Variants in KSR2 observed in about 807,000 individuals in gnomAD.
The protein encoded by KSR2 is kinase suppressor of ras 2.
A neutral mutation model predicts 107.8 loss-of-function variants in KSR2; 25 were observed. That is an observed-to-expected ratio of 0.23 (90% CI 0.17 to 0.32). The LOEUF (loss-of-function observed/expected upper bound fraction) is 0.32. Among genes scored for constraint, KSR2 ranks in the 10% least tolerant of loss-of-function variants. The pLI, the probability that KSR2 is intolerant of heterozygous loss-of-function variation, is 1.00. For missense variants in KSR2, 887 were observed against 1,268.9 expected, an observed-to-expected ratio of 0.70 and a Z score of 4.57; for synonymous variants, 480 against 507.0, an observed-to-expected ratio of 0.95 and a Z score of 0.71.
intron 1 of KSR2, among the ~76,000 whole-genome samples, chr12:117,890,222 A>G (rs1190247498): frequency 6.6e-6 from 1 of 152,194 alleles, no homozygotes; most frequent in Admixed American, 6.5e-5. Context: ...TTTGAGATCT[A>G]AGGCTCTGAA....
intron 14 of KSR2, chr12:117,517,694 C>T: frequency 2.6e-6 from 1 of 383,424 alleles, no homozygotes; most frequent in Admixed American, 3.5e-5. Flanking sequence ...TAAAGGCAGC[C>T]ACAGACAAAA....
chr12:117,944,754 A>C (rs1207639021), intron 1 of KSR2, among the ~76,000 whole-genome samples: 1 of 151,994 alleles, frequency 6.6e-6, no homozygotes, highest in African/African-American at 2.4e-5. Flanking sequence ...GCTACTCAGA[A>C]GGCTGAAATG....
At chr12:117,521,469 G>A (rs540644666) in intron 14 of KSR2, among the ~76,000 whole-genome samples, 2 of 152,256 alleles carry the variant, frequency 1.3e-5, no homozygotes, top group African/African-American at 4.8e-5. Context: ...GAGTGATTGC[G>A]CAGACCGTCG....
At chr12:117,957,541 C>G (rs1381078544) in intron 1 of KSR2, among the ~76,000 whole-genome samples, 1 of 152,118 alleles carries the variant, frequency 6.6e-6, no homozygotes, top group Non-Finnish European at 1.5e-5. Flanking sequence ...GAAGGAAGGC[C>G]AGGCCCTATC....
intron 3 of KSR2, among the ~76,000 whole-genome samples, chr12:117,780,111 T>G (rs1889834562): frequency 1.3e-5 from 2 of 152,344 alleles, no homozygotes; most frequent in South Asian, 4.1e-4. Flanking sequence ...AATGATCATA[T>G]TTTGGAAATA....
In KSR2 at chr12:117,936,511, TTTATTATTATTATTA is replaced by T. The variant is rs145675167; in HGVS notation, c.180+31550_180+31564del. Among the ~76,000 whole-genome samples, 201 of 139,816 alleles carry T rather than the reference TTTATTATTATTATTA, an allele frequency of 1.4e-3. 1 individual carries two copies. Among genetic ancestry groups the T allele is most frequent in the Middle Eastern group, 3.7e-3 (1 of 272 alleles). The allele number at this position is 139,816 out of a possible 152,430, so 91.7% of individuals were successfully genotyped here. A position where few individuals can be genotyped will look rare whatever the true frequency, so the allele number is the denominator to read the frequency against. ...CTGGCTACTTTATCATTATTATTAT[TTTATTATTATTATTA>T]TTATTATTAGTAGTAGTAGTAGTAG... On this transcript the variant is annotated intron_variant, in intron 1 of 19. Coordinates refer to ENST00000339824, the MANE Select transcript of KSR2 (RefSeq NM_173598.6).
At chr12:117,517,797 T>C (rs1179505027) in intron 14 of KSR2, 1 of 454,878 alleles carries the variant, frequency 2.2e-6, no homozygotes, top group Admixed American at 2.4e-5. Flanking sequence ...GACGGAATCT[T>C]CATGTGCTCA....
At chr12:117,966,696 C>T (rs546998921) in intron 1 of KSR2, among the ~76,000 whole-genome samples, 36 of 84,822 alleles carry the variant, frequency 4.2e-4, no homozygotes, top group Non-Finnish European at 8.9e-4. Context: ...CTCCCTCCCT[C>T]TCTCTCTCTC....
chr12:117,644,012 T>C (rs10850877), intron 5 of KSR2, among the ~76,000 whole-genome samples: 24,140 of 152,214 alleles, frequency 0.16, 2,080 homozygotes, highest in Middle Eastern at 0.22. Flanking sequence ...TCTTTGGCCT[T>C]GTCCCCACAG....
intron 17 of KSR2, among the ~76,000 whole-genome samples, chr12:117,475,619 A>G (rs1871731778): frequency 6.6e-6 from 1 of 152,172 alleles, no homozygotes; most frequent in African/African-American, 2.4e-5. Context: ...ATACTTTGCT[A>G]AAGTTGGATG....
chr12:117,659,599 C>G (rs886548567), intron 5 of KSR2, among the ~76,000 whole-genome samples: 2 of 152,132 alleles, frequency 1.3e-5, no homozygotes, highest in Non-Finnish European at 2.9e-5. Flanking sequence ...ATGGAGAGAG[C>G]CATTGGTTGG....
intron 5 of KSR2, among the ~76,000 whole-genome samples, chr12:117,636,836 T>C (rs1056206048): frequency 3.9e-5 from 6 of 152,056 alleles, no homozygotes; most frequent in Non-Finnish European, 2.9e-5. Context: ...AGAACCCCTA[T>C]ACATCAAAAG....
intron 5 of KSR2, among the ~76,000 whole-genome samples, chr12:117,663,025 G>A (rs1020730136): frequency 6.6e-6 from 1 of 151,918 alleles, no homozygotes; most frequent in Admixed American, 6.5e-5. Flanking sequence ...TCTAGGTGGA[G>A]CAGCAAATGG....
chr12:117,478,391 T>C (rs2137127767), intron 16 of KSR2, among the ~76,000 whole-genome samples: 1 of 152,288 alleles, frequency 6.6e-6, no homozygotes, highest in South Asian at 2.1e-4. Context: ...ACTTGAAATG[T>C]GGCTTACAAC....
intron 5 of KSR2, among the ~76,000 whole-genome samples, chr12:117,664,317 T>C (rs1884561882): frequency 6.6e-6 from 1 of 152,062 alleles, no homozygotes; most frequent in Non-Finnish European, 1.5e-5. Flanking sequence ...CATCATGGGG[T>C]AACAAGATGA....
intron 3 of KSR2, among the ~76,000 whole-genome samples, chr12:117,827,951 A>G (rs889020978): frequency 6.6e-6 from 1 of 152,136 alleles, no homozygotes; most frequent in Non-Finnish European, 1.5e-5. Context: ...CCCTTCCACA[A>G]TTCAGCTTTT....
chr12:117,814,757 G>C (rs79848570), intron 3 of KSR2, among the ~76,000 whole-genome samples: 1 of 152,084 alleles, frequency 6.6e-6, no homozygotes, highest in African/African-American at 2.4e-5. Context: ...AGTTTGAGCA[G>C]GATCCCTCAA....
chr12:117,941,089 A>C lies in KSR2; in HGVS notation c.180+26987T>G, dbSNP rs148429885. Among the ~76,000 whole-genome samples the C allele has an allele frequency of 3.3e-3, 506 of 152,144 alleles. 4 individuals carry two copies. Among genetic ancestry groups the C allele is most frequent in the Non-Finnish European group, 4.6e-3 (315 of 67,990 alleles). On this transcript the variant is annotated intron_variant, in intron 1 of 19. Coordinates refer to ENST00000339824, the MANE Select transcript of KSR2 (RefSeq NM_173598.6). Reference sequence around the variant, plus strand: ...GACAGAGCAAGATTGTGTCTCAAAAAAATAATAATAATAATAAGATTTTTA... The same window carrying C: ...GACAGAGCAAGATTGTGTCTCAAAACAATAATAATAATAATAAGATTTTTA...
At chr12:117,940,028 G>T (rs1895963594) in intron 1 of KSR2, among the ~76,000 whole-genome samples, 1 of 151,614 alleles carries the variant, frequency 6.6e-6, no homozygotes, top group African/African-American at 2.4e-5. Flanking sequence ...TGATCAGATG[G>T]TAATGAGGTA....
Sources: allele counts gnomAD v4.1 joint callset (sites outside exome capture counted in the v4.1 genomes callset), GRCh38; gene constraint gnomAD v4.1.1; transcripts MANE v1.5; gene names NCBI Gene and HGNC (gene_info 2026-07-23, HGNC 2026-07-21).